The following TRIM9 variants were observed in gnomAD, a reference collection of about 807,000 sequenced individuals.
TRIM9 encodes tripartite motif containing 9, also known as E3 ubiquitin-protein ligase TRIM9.
A neutral mutation model predicts 78.3 loss-of-function variants in TRIM9; 26 were observed. That is an observed-to-expected ratio of 0.33 (90% CI 0.24 to 0.46). The LOEUF (loss-of-function observed/expected upper bound fraction) is 0.46. Among genes scored for constraint, TRIM9 ranks in the 20% least tolerant of loss-of-function variants. TRIM9 has a pLI of 1.00. For synonymous variants in TRIM9, 398 were observed against 416.5 expected, an observed-to-expected ratio of 0.96 and a Z score of 0.54; for missense variants, 787 against 1,036.4, an observed-to-expected ratio of 0.76 and a Z score of 3.30.
At chr14:51,062,956 T>C (rs1027125711) in intron 1 of TRIM9, among the ~76,000 whole-genome samples, 1 of 151,986 alleles carries the variant, frequency 6.6e-6, no homozygotes, top group Non-Finnish European at 1.5e-5. Flanking sequence ...ACATGAGATA[T>C]GTGGAGAAAT....
At position 51,015,505 on chromosome 14, in the gene TRIM9, C is replaced by CTTTTTTTTTTTTTTTTTTTTTTTTTTT. The variant is rs369652663; in HGVS notation, c.1042-5038_1042-5012dup. Among the ~76,000 whole-genome samples the CTTTTTTTTTTTTTTTTTTTTTTTTTTT allele has an allele frequency of 8.2e-5, 5 of 61,328 alleles. 1 individual carries two copies. The highest frequency in any genetic ancestry group is 4.5e-4 in the Admixed American group (2 of 4,476). The allele number at this position is 61,328 out of a possible 152,430, so 40.2% of individuals were successfully genotyped here. On this transcript the variant is annotated intron_variant, in intron 3 of 12. Coordinates refer to ENST00000684578, the MANE Select transcript of TRIM9 (RefSeq NM_001387360.1). ...AATGCTTTTTTCTTTCTTTACTTTT[C>CTTTTTTTTTTTTTTTTTTTTTTTTTTT]TTTTTTTTTTTTTTTTTTTTTTTTT...
intron 1 of TRIM9, among the ~76,000 whole-genome samples, chr14:51,084,744 A>G (rs2063599606): frequency 6.6e-6 from 1 of 152,236 alleles, no homozygotes; most frequent in Non-Finnish European, 1.5e-5. Context: ...GATTGCATAA[A>G]TATCAGCAGT....
chr14:50,983,310 A>T (rs2052231557), intron 9 of TRIM9, 70 bp downstream of exon 9: 1 of 1,307,400 alleles, frequency 7.6e-7, no homozygotes, highest in African/African-American at 1.5e-5. Context: ...AGTTGCCGCC[A>T]TTTATTTTGT....
intron 1 of TRIM9, among the ~76,000 whole-genome samples, chr14:51,055,016 A>G (rs560329931): frequency 1.3e-5 from 2 of 148,634 alleles, no homozygotes; most frequent in African/African-American, 5.0e-5. Flanking sequence ...TTTCAGAGAC[A>G]GGTTTCACCA....
intron 1 of TRIM9, among the ~76,000 whole-genome samples, chr14:51,084,893 A>G (rs1052658873): frequency 1.1e-4 from 16 of 152,246 alleles, no homozygotes; most frequent in African/African-American, 3.4e-4. Flanking sequence ...AGCTGGGCTT[A>G]CAGTTGAGCC....
chr14:50,983,873 C>G (rs1329250351), intron 8 of TRIM9, among the ~76,000 whole-genome samples: 2 of 152,192 alleles, frequency 1.3e-5, no homozygotes, highest in African/African-American at 4.8e-5. Context: ...TTAAATATAA[C>G]TAAATGTGTA....
intron 8 of TRIM9, 40 bp downstream of exon 8, chr14:50,985,916 C>T: frequency 7.1e-7 from 1 of 1,414,370 alleles, no homozygotes; most frequent in Non-Finnish European, 9.3e-7. Flanking sequence ...GCCTTCAAGG[C>T]ACAGAGATCA....
intron 1 of TRIM9, among the ~76,000 whole-genome samples, chr14:51,051,328 G>A (rs572356075): frequency 6.6e-6 from 1 of 152,304 alleles, no homozygotes; most frequent in South Asian, 2.1e-4. Context: ...AAGGAAGGAA[G>A]AGATGAGACA....
At chr14:50,988,730 CT>C (rs2053079243) in intron 7 of TRIM9, among the ~76,000 whole-genome samples, 1 of 152,190 alleles carries the variant, frequency 6.6e-6, no homozygotes, top group Admixed American at 6.5e-5. Flanking sequence ...GAGAGAAACA[CT>C]TTCCAACTGA....
At chr14:51,077,015 C>T (rs1006176218) in intron 1 of TRIM9, among the ~76,000 whole-genome samples, 2 of 152,200 alleles carry the variant, frequency 1.3e-5, no homozygotes, top group Non-Finnish European at 1.5e-5. Flanking sequence ...CTCATTTTAG[C>T]GCTTGCTATA....
intron 3 of TRIM9, among the ~76,000 whole-genome samples, chr14:51,020,618 C>A (rs566051673): frequency 1.3e-5 from 2 of 152,240 alleles, no homozygotes; most frequent in Non-Finnish European, 2.9e-5. Context: ...GACATAGTCA[C>A]GCGATGTGGC....
At chr14:50,978,935 C>T in intron 12 of TRIM9, 1 of 1,052,246 alleles carries the variant, frequency 9.5e-7, no homozygotes, top group Non-Finnish European at 1.1e-6. Context: ...CCCCTTAGGA[C>T]CTAACAGAGC....
At chr14:51,034,771 C>T (rs1280714723) in intron 1 of TRIM9, among the ~76,000 whole-genome samples, 1 of 152,202 alleles carries the variant, frequency 6.6e-6, no homozygotes, top group African/African-American at 2.4e-5. Flanking sequence ...AGCATGGATT[C>T]TGGCCCCAAA....
At chr14:51,051,148 A>G (rs936426039) in intron 1 of TRIM9, among the ~76,000 whole-genome samples, 5 of 152,216 alleles carry the variant, frequency 3.3e-5, no homozygotes, top group South Asian at 2.1e-4. Context: ...TAAGGAATTC[A>G]TATGTTCTGG....
intron 1 of TRIM9, among the ~76,000 whole-genome samples, chr14:51,083,725 C>G (rs1426873748): frequency 6.6e-6 from 1 of 152,096 alleles, no homozygotes; most frequent in Non-Finnish European, 1.5e-5. Flanking sequence ...GATACATATC[C>G]AAGTGGAGAT....
At chr14:51,091,611 A>G (rs2064335016) in intron 1 of TRIM9, among the ~76,000 whole-genome samples, 2 of 152,186 alleles carry the variant, frequency 1.3e-5, no homozygotes, top group Non-Finnish European at 2.9e-5. Flanking sequence ...GTGGGGGAGT[A>G]ATGTTTGTTG....
At chr14:50,990,382 A>G (rs1279400660) in intron 7 of TRIM9, among the ~76,000 whole-genome samples, 1 of 152,206 alleles carries the variant, frequency 6.6e-6, no homozygotes, top group Admixed American at 6.5e-5. Flanking sequence ...CAGACATTGC[A>G]GTAGAATTGA....
intron 7 of TRIM9, among the ~76,000 whole-genome samples, chr14:50,992,513 C>T (rs1596116040): frequency 6.6e-6 from 1 of 151,932 alleles, no homozygotes; most frequent in South Asian, 2.1e-4. Context: ...GTCAAGGTTA[C>T]AGTGAGCCAC....
chr14:51,062,026 G>A (rs554905599), intron 1 of TRIM9, among the ~76,000 whole-genome samples: 12 of 152,220 alleles, frequency 7.9e-5, no homozygotes, highest in East Asian at 3.9e-4. Context: ...TCTGAAGTGC[G>A]TTAGATTATT....
Sources: gnomAD v4.1 joint callset for allele counts (sites outside exome capture counted in the v4.1 genomes callset) on GRCh38, gnomAD v4.1.1 for gene constraint, MANE v1.5 for transcripts, NCBI Gene and HGNC (gene_info 2026-07-23, HGNC 2026-07-21) for gene names.